Variants in RFTN1 observed in about 807,000 individuals in gnomAD.
RFTN1 encodes the protein raftlin.
RFTN1 carries 26 observed loss-of-function variants against 46.5 expected under a neutral mutation model. The ratio of observed to expected loss-of-function variants is 0.56; its 90% CI spans 0.41 to 0.78. RFTN1 has a LOEUF of 0.78. RFTN1 is among the 30% of genes least tolerant of loss of function. The pLI, the probability that RFTN1 is intolerant of heterozygous loss-of-function variation, is 0.00. For synonymous variants in RFTN1, 261 were observed against 284.2 expected (o/e 0.92, Z 0.82); for missense variants, 693 against 718.7 (o/e 0.96, Z 0.41).
chr3:16,455,959 A>C (rs2075897642), intron 2 of RFTN1, among the ~76,000 whole-genome samples: 5 of 149,026 alleles, frequency 3.4e-5, no homozygotes, highest in East Asian at 2.0e-4. Context: ...ATCCCCCGAC[A>C]CCTCCCTCCC....
At chr3:16,325,057 G>A (rs2069559711) in intron 8 of RFTN1, among the ~76,000 whole-genome samples, 2 of 152,110 alleles carry the variant, frequency 1.3e-5, no homozygotes, top group South Asian at 4.1e-4. Context: ...AATCTGTTTT[G>A]TAAATTTCTT....
At chr3:16,464,572 C>G (rs1393401030) in intron 2 of RFTN1, among the ~76,000 whole-genome samples, 1 of 152,158 alleles carries the variant, frequency 6.6e-6, no homozygotes. Flanking sequence ...CCCATATAAA[C>G]TAATAATAAG....
In RFTN1 at chr3:16,345,813, TGTGTGCGCGCGC is replaced by T. The variant is rs1559843380; in HGVS notation, c.1146+12107_1146+12118del. Reference sequence around the variant, plus strand: ...CTGTGTGTGTGTGTGTGTGTGTGTGTGTGTGCGCGCGCGCGTGCGCGCACGCGCACATGTGCA... The same window carrying T: ...CTGTGTGTGTGTGTGTGTGTGTGTGTGCGTGCGCGCACGCGCACATGTGCA... On this transcript the variant is annotated intron_variant, in intron 7 of 9. Coordinates refer to ENST00000334133, the MANE Select transcript of RFTN1 (RefSeq NM_015150.2). This position sits in a 1 kb window ranked among gnomAD's most constrained non-coding sequence, Gnocchi z 5.2. Among the ~76,000 whole-genome samples the T allele has an allele frequency of 1.2e-5, 1 of 84,690 alleles. No individual in the cohort carries two copies. Among genetic ancestry groups the T allele is most frequent in the Non-Finnish European group, 2.2e-5 (1 of 44,662 alleles). 55.6% of individuals were successfully genotyped at this position (84,690 alleles called of 152,430 possible). A position where few individuals can be genotyped will look rare whatever the true frequency, so the allele number is the denominator to read the frequency against.
intron 1 of RFTN1, among the ~76,000 whole-genome samples, chr3:16,496,261 C>A (rs1045347125): frequency 6.6e-6 from 1 of 152,212 alleles, no homozygotes. Flanking sequence ...CCACAGAAGG[C>A]AGAGTCAGGA....
Position 16,428,596 on chromosome 3 carries a change from T to C in RFTN1, c.332+5255A>G, listed in dbSNP as rs903681284. 6.6e-6 allele frequency among the ~76,000 whole-genome samples: 1 copy of C among 152,168 alleles called. No individual in the cohort carries two copies. Among genetic ancestry groups the C allele is most frequent in the Non-Finnish European group, 1.5e-5 (1 of 68,016 alleles). On this transcript the variant is annotated intron_variant, in intron 3 of 9. Transcript: ENST00000334133. The surrounding 1 kb of genome is among the most constrained non-coding windows in gnomAD (Gnocchi z 4.7). ...CCTGATAAATGTCCACAGAGCTCCCTAGTATGCTGGTCCCTGTACCATGTA... is the reference window on the plus strand; with the variant it reads ...CCTGATAAATGTCCACAGAGCTCCCCAGTATGCTGGTCCCTGTACCATGTA...
chr3:16,481,029 A>ACACC lies in RFTN1; in HGVS notation c.145+12695_145+12696insGGTG, dbSNP rs1387597675. Among the ~76,000 whole-genome samples, 17 of 149,976 alleles carry ACACC rather than the reference A, an allele frequency of 1.1e-4. No individual in the cohort carries two copies. The highest frequency in any genetic ancestry group is 1.8e-4 in the Non-Finnish European group (12 of 67,268). ...CACACACACACACACACACACACAC[A>ACACC]CCTGAGCCCATTTTCATACAAGACT... On this transcript the variant is annotated intron_variant, in intron 2 of 9. Transcript: ENST00000334133. The surrounding 1 kb of genome is among the most constrained non-coding windows in gnomAD (Gnocchi z 5.1).
chr3:16,353,929 AT>A lies in RFTN1; in HGVS notation c.1146+4002del, dbSNP rs1216487729. On this transcript the variant is annotated intron_variant, in intron 7 of 9. Coordinates refer to ENST00000334133, the MANE Select transcript of RFTN1 (RefSeq NM_015150.2). The surrounding 1 kb of genome is among the most constrained non-coding windows in gnomAD (Gnocchi z 5.4). ...TGTCGTTTAATCCGTCTAGTCTGGTATTTTGTTATGGCAGCCCAAGCAGACT... is the reference window on the plus strand; with the variant it reads ...TGTCGTTTAATCCGTCTAGTCTGGTATTTGTTATGGCAGCCCAAGCAGACT... 2.6e-5 allele frequency among the ~76,000 whole-genome samples: 4 copies of A among 152,220 alleles called. No homozygotes were observed. Among genetic ancestry groups the A allele is most frequent in the Admixed American group, 6.5e-5 (1 of 15,280 alleles).
chr3:16,353,832 C>T lies in RFTN1; in HGVS notation c.1146+4100G>A, dbSNP rs982251526. ...CTGCAAGCCAGGAAGAGAGCCCTCA[C>T]CAGAAACCAAACCCTCCCAGAACCT... On this transcript the variant is annotated intron_variant, in intron 7 of 9. Coordinates refer to ENST00000334133, the MANE Select transcript of RFTN1 (RefSeq NM_015150.2). The surrounding 1 kb of genome is among the most constrained non-coding windows in gnomAD (Gnocchi z 5.4). Among the ~76,000 whole-genome samples, 3 of 152,142 alleles carry T rather than the reference C, an allele frequency of 2.0e-5. No homozygotes were observed. The highest frequency in any genetic ancestry group is 4.8e-5 in the African/African-American group (2 of 41,426).
At chr3:16,326,524 T>A (rs2069709293) in intron 8 of RFTN1, among the ~76,000 whole-genome samples, 1 of 152,200 alleles carries the variant, frequency 6.6e-6, no homozygotes, top group African/African-American at 2.4e-5. Context: ...GCGGCTCATC[T>A]TTGACATTCT....
At chr3:16,371,409 AT>A (rs1463550753) in intron 5 of RFTN1, among the ~76,000 whole-genome samples, 1 of 144,986 alleles carries the variant, frequency 6.9e-6, no homozygotes, top group African/African-American at 2.9e-5. Flanking sequence ...AAACAAACAC[AT>A]TTTTTTAGAA....
rs1415698178 is a variant in RFTN1, at chr3:16,481,616, A to C, written c.145+12109T>G. ...AACAATTGCTTTTGCCTAAACTGAAATTAAATAAATAGACACACACACACT... is the reference window on the plus strand; with the variant it reads ...AACAATTGCTTTTGCCTAAACTGAACTTAAATAAATAGACACACACACACT... On this transcript the variant is annotated intron_variant, in intron 2 of 9. Coordinates refer to ENST00000334133, the MANE Select transcript of RFTN1 (RefSeq NM_015150.2). This position sits in a 1 kb window ranked among gnomAD's most constrained non-coding sequence, Gnocchi z 5.1. Among the ~76,000 whole-genome samples, 3 of 152,158 alleles carry C rather than the reference A, an allele frequency of 2.0e-5. No individual in the cohort carries two copies. Among genetic ancestry groups the C allele is most frequent in the African/African-American group, 7.2e-5 (3 of 41,430 alleles).
rs13323915 is a variant in RFTN1 at position 16,512,569 on chromosome 3, G to A, written c.-9+873C>T. 0.035 allele frequency among the ~76,000 whole-genome samples: 5,357 copies of A among 152,212 alleles called. 315 individuals carry two copies. The highest frequency in any genetic ancestry group is 0.12 in the African/African-American group (4,987 of 41,488). On this transcript the variant is annotated intron_variant, in intron 1 of 9. Coordinates refer to ENST00000334133, the MANE Select transcript of RFTN1 (RefSeq NM_015150.2). This position sits in a 1 kb window ranked among gnomAD's most constrained non-coding sequence, Gnocchi z 4.3. ...AGACAGACAGCAGGGAGCGTGCCTG[G>A]TTCTACAACCTTGGCCTCCACGCGG...
rs935930525 is a variant in RFTN1, at chr3:16,452,422, C to G, written c.146-18385G>C. ...CATCTTCACAATGTTGATTGAAATG[C>G]TTAGCTACTGTATCATGGGTTTATG... On this transcript the variant is annotated intron_variant, in intron 2 of 9. Transcript: ENST00000334133. The surrounding 1 kb of genome is among the most constrained non-coding windows in gnomAD (Gnocchi z 6.3). 1.3e-5 allele frequency among the ~76,000 whole-genome samples: 2 copies of G among 152,170 alleles called. No individual in the cohort carries two copies. The highest frequency in any genetic ancestry group is 4.8e-5 in the African/African-American group (2 of 41,454).
In RFTN1 at chr3:16,474,086, A is replaced by G. The variant is rs1444860158; in HGVS notation, c.145+19639T>C. Among the ~76,000 whole-genome samples the G allele has an allele frequency of 6.6e-6, 1 of 152,224 alleles. No homozygotes were observed. Among genetic ancestry groups the G allele is most frequent in the Non-Finnish European group, 1.5e-5 (1 of 68,042 alleles). ...ACATCATTCCTGTCTTGGGGAGGAA[A>G]TCTTGCACTTACATTTGACTCTTCT... On this transcript the variant is annotated intron_variant, in intron 2 of 9. Coordinates refer to ENST00000334133, the MANE Select transcript of RFTN1 (RefSeq NM_015150.2). The surrounding 1 kb of genome is among the most constrained non-coding windows in gnomAD (Gnocchi z 5.5).
chr3:16,352,668 G>A lies in RFTN1; in HGVS notation c.1146+5264C>T, dbSNP rs534253484. Among the ~76,000 whole-genome samples the A allele has an allele frequency of 6.6e-6, 1 of 152,302 alleles. No homozygotes were observed. The highest frequency in any genetic ancestry group is 2.1e-4 in the South Asian group (1 of 4,824). On this transcript the variant is annotated intron_variant, in intron 7 of 9. Transcript: ENST00000334133. This position sits in a 1 kb window ranked among gnomAD's most constrained non-coding sequence, Gnocchi z 4.6. ...GGATCTGTCTCACTGATGATACCAG[G>A]TGACTGACACAGAAAGCAGTATGTA...
rs1366688788 is a variant in RFTN1, at chr3:16,422,671, T to C, written c.332+11180A>G. On this transcript the variant is annotated intron_variant, in intron 3 of 9. Coordinates refer to ENST00000334133, the MANE Select transcript of RFTN1 (RefSeq NM_015150.2). The surrounding 1 kb of genome is among the most constrained non-coding windows in gnomAD (Gnocchi z 4.6). ...GTGCCCTACTGGATGTTAACATACA[T>C]TACAAATTTATTATCATCAAAATAA... 6.7e-6 allele frequency among the ~76,000 whole-genome samples: 1 copy of C among 149,764 alleles called. No homozygotes were observed. The highest frequency in any genetic ancestry group is 1.5e-5 in the Non-Finnish European group (1 of 67,642).
rs528227694 is a variant in RFTN1, at chr3:16,466,894, C to T, written c.145+26831G>A. ...AAGTCAAGACACAGTAATTACGCTA[C>T]AGACAAAGGGAGGGAGGATAAAAAG... On this transcript the variant is annotated intron_variant, in intron 2 of 9. Coordinates refer to ENST00000334133, the MANE Select transcript of RFTN1 (RefSeq NM_015150.2). The surrounding 1 kb of genome is among the most constrained non-coding windows in gnomAD (Gnocchi z 5.6). Among the ~76,000 whole-genome samples, 29 of 152,240 alleles carry T rather than the reference C, an allele frequency of 1.9e-4. No homozygotes were observed. Among genetic ancestry groups the T allele is most frequent in the African/African-American group, 7.0e-4 (29 of 41,524 alleles).
intron 1 of RFTN1, among the ~76,000 whole-genome samples, chr3:16,494,136 TTA>T (rs1256719085): frequency 1.3e-5 from 2 of 152,320 alleles, no homozygotes; most frequent in East Asian, 3.9e-4. Context: ...CATACCTGTT[TTA>T]TATCTTTTTT....
At position 16,321,780 on chromosome 3, in the gene RFTN1, G is replaced by A. The variant is rs1490048004; in HGVS notation, c.1332+1596C>T. ...TTTTTACTGACTGAAAAAACAGTGG[G>A]TCCCATCCTCTCTGAATTTTCCCTG... On this transcript the variant is annotated intron_variant, in intron 9 of 9. Coordinates refer to ENST00000334133, the MANE Select transcript of RFTN1 (RefSeq NM_015150.2). The surrounding 1 kb of genome is among the most constrained non-coding windows in gnomAD (Gnocchi z 4.8). Among the ~76,000 whole-genome samples the A allele has an allele frequency of 6.6e-6, 1 of 152,164 alleles. No individual in the cohort carries two copies. The highest frequency in any genetic ancestry group is 1.5e-5 in the Non-Finnish European group (1 of 68,022).
Sources: allele counts gnomAD v4.1 joint callset (sites outside exome capture counted in the v4.1 genomes callset), GRCh38; gene constraint gnomAD v4.1.1; non-coding constraint Gnocchi (gnomAD v3.1); transcripts MANE v1.5; gene names NCBI Gene and HGNC (gene_info 2026-07-23, HGNC 2026-07-21).